RIPOR2: variants seen among roughly 807,000 people sequenced by gnomAD.
RIPOR2 encodes the protein rho family-interacting cell polarization regulator 2.
A neutral mutation model predicts 114.5 loss-of-function variants in RIPOR2; 39 were observed. The ratio of observed to expected loss-of-function variants is 0.34; its 90% CI spans 0.26 to 0.44. The LOEUF (loss-of-function observed/expected upper bound fraction) is 0.44. Among genes scored for constraint, RIPOR2 ranks in the 20% least tolerant of loss-of-function variants. RIPOR2 has a pLI of 1.00. For synonymous variants in RIPOR2, 445 were observed against 484.4 expected, an observed-to-expected ratio of 0.92 and a Z score of 1.07; for missense variants, 1,007 against 1,255.1, an observed-to-expected ratio of 0.80 and a Z score of 2.99.
intron 1 of RIPOR2, among the ~76,000 whole-genome samples, chr6:24,908,431 C>G (rs1769202088): frequency 1.3e-5 from 2 of 152,206 alleles, no homozygotes; most frequent in Non-Finnish European, 2.9e-5. Flanking sequence ...GTGCTATTCA[C>G]CCTGCACAGT....
intron 1 of RIPOR2, among the ~76,000 whole-genome samples, chr6:24,974,655 T>C (rs1043637211): frequency 6.6e-5 from 10 of 152,192 alleles, no homozygotes; most frequent in African/African-American, 1.9e-4. Context: ...CCCAGTTATA[T>C]ACCCAAGAGA....
chr6:24,976,514 A>C, intron 1 of RIPOR2: 1 of 1,582,316 alleles, frequency 6.3e-7, no homozygotes, highest in South Asian at 1.1e-5. Context: ...CCAAGAAGTG[A>C]CTGCTCATCT....
intron 1 of RIPOR2, among the ~76,000 whole-genome samples, chr6:24,949,129 C>T (rs1023713000): frequency 1.2e-4 from 19 of 152,032 alleles, no homozygotes; most frequent in African/African-American, 4.6e-4. Flanking sequence ...ATTTGAAAAG[C>T]GCCACCCATC....
rs370484369 is a variant in RIPOR2, at chr6:24,896,526, A to G, written c.62-20709T>C. Among the ~76,000 whole-genome samples, 58 of 152,122 alleles carry G rather than the reference A, an allele frequency of 3.8e-4. 1 individual carries two copies. The South Asian group carries it at 0.01, about 27-fold the overall frequency. ...CATTTTTAACTACTGTGCATTCTCA[A>G]CTCTCTTGAAAGTTGAATTAATAAG... is the stretch of plus-strand genomic sequence containing the variant. On this transcript the variant is annotated intron_variant, in intron 1 of 21. Coordinates refer to ENST00000643898, the MANE Select transcript of RIPOR2 (RefSeq NM_001286445.3).
chr6:24,889,130 T>A (rs1767094399), intron 1 of RIPOR2, among the ~76,000 whole-genome samples: 1 of 152,162 alleles, frequency 6.6e-6, no homozygotes, highest in African/African-American at 2.4e-5. Context: ...CCTAGGGGCT[T>A]AAAAGGGAGC....
intron 1 of RIPOR2, among the ~76,000 whole-genome samples, chr6:24,988,675 G>C (rs1330510800): frequency 6.6e-5 from 10 of 151,662 alleles, no homozygotes; most frequent in Non-Finnish European, 1.2e-4. Context: ...CTGGTTGTGT[G>C]TGTGTGTGTG....
intron 1 of RIPOR2, among the ~76,000 whole-genome samples, chr6:24,943,698 G>C (rs539299409): frequency 6.6e-6 from 1 of 152,188 alleles, no homozygotes; most frequent in South Asian, 2.1e-4. Context: ...CCTTATCTCT[G>C]TGGTAGCCTT....
chr6:25,001,167 C>T (rs958619608), intron 1 of RIPOR2, among the ~76,000 whole-genome samples: 1 of 152,116 alleles, frequency 6.6e-6, no homozygotes, highest in Non-Finnish European at 1.5e-5. Context: ...TATATATTTG[C>T]ATATGTGTAT....
intron 19 of RIPOR2, among the ~76,000 whole-genome samples, chr6:24,821,168 C>T (rs1759664532): frequency 6.8e-6 from 1 of 148,092 alleles, no homozygotes; most frequent in Non-Finnish European, 1.5e-5. Flanking sequence ...CCACCGCGCC[C>T]AGCCAGTTTA....
At chr6:24,808,265 A>T (rs556659766) in intron 21 of RIPOR2, among the ~76,000 whole-genome samples, 2 of 152,292 alleles carry the variant, frequency 1.3e-5, no homozygotes, top group Admixed American at 1.3e-4. Context: ...ATTCTGTAGG[A>T]TCAGCTTCCT....
At chr6:24,852,098 A>G (rs1763010743) in intron 9 of RIPOR2, among the ~76,000 whole-genome samples, 1 of 151,944 alleles carries the variant, frequency 6.6e-6, no homozygotes, top group Non-Finnish European at 1.5e-5. Context: ...CATCTCTACT[A>G]AAAATACAAA....
Position 24,830,687 on chromosome 6 carries a change from A to AC in RIPOR2, c.2345-18dup, listed in dbSNP as rs757644298. Reference sequence around the variant, plus strand: ...CTGGTATGGCTGGAAAAGAAGAGCAACCCCCCATCTCGTAACACATTTTAT... The same window carrying AC: ...CTGGTATGGCTGGAAAAGAAGAGCAACCCCCCCATCTCGTAACACATTTTAT... On this transcript the variant is annotated splice_polypyrimidine_tract_variant and intron_variant, in intron 16 of 21. Transcript: ENST00000643898. 4.9e-5 allele frequency: 76 copies of AC among 1,543,040 alleles called. No individual in the cohort carries two copies. In the African/African-American group the frequency reaches 8.6e-4, roughly 17 times the overall value.
intron 1 of RIPOR2, among the ~76,000 whole-genome samples, chr6:24,991,290 C>T (rs947763703): frequency 9.9e-5 from 15 of 152,270 alleles, no homozygotes; most frequent in African/African-American, 3.6e-4. Flanking sequence ...ACCCTACTTG[C>T]TTTCTATCTT....
Position 24,903,070 on chromosome 6 carries a change from G to A in RIPOR2, c.62-27253C>T, listed in dbSNP as rs1041312715. Among the ~76,000 whole-genome samples the A allele has an allele frequency of 3.3e-5, 5 of 152,224 alleles. No homozygotes were observed. In the South Asian group the frequency reaches 6.2e-4, roughly 19 times the overall value. On this transcript the variant is annotated intron_variant, in intron 1 of 21. Transcript: ENST00000643898. The stretch of plus-strand genomic sequence containing the variant: ...AGTTCTGGCTCAGGGTCTCTCCTCA[G>A]TCAGATGGTGGCTGGACATGGAACA...
At chr6:24,835,961 A>C in intron 14 of RIPOR2, 90 bp from the exon 15 acceptor site, 1 of 1,220,218 alleles carries the variant, frequency 8.2e-7, no homozygotes. Flanking sequence ...CCCCAACAGC[A>C]CCCACTGAAA....
At chr6:24,894,782 A>C (rs1266982359) in intron 1 of RIPOR2, among the ~76,000 whole-genome samples, 1 of 152,238 alleles carries the variant, frequency 6.6e-6, no homozygotes, top group African/African-American at 2.4e-5. Context: ...AACAAGAATA[A>C]ATGGATAAAT....
chr6:24,872,821 A>G, intron 4 of RIPOR2, 60 bp downstream of exon 4: 2 of 1,151,008 alleles, frequency 1.7e-6, no homozygotes, highest in Non-Finnish European at 2.6e-6. Flanking sequence ...CCATCCAGTA[A>G]AAGAAGCTAT....
At chr6:24,873,158 G>C (rs764620063) in intron 3 of RIPOR2, among the ~76,000 whole-genome samples, 199 bp from the exon 4 acceptor site, 26 of 152,190 alleles carry the variant, frequency 1.7e-4, no homozygotes, top group Non-Finnish European at 3.2e-4. Context: ...AGCTGGGAAA[G>C]TAGAAAAGGA....
At chr6:24,936,679 G>A (rs1225398693), upstream of RIPOR2, among the ~76,000 whole-genome samples, 1 of 152,174 alleles carries the variant, frequency 6.6e-6, no homozygotes, top group Non-Finnish European at 1.5e-5. Flanking sequence ...AGGGATGAGT[G>A]AACACTGAGC....
Sources: allele counts gnomAD v4.1 joint callset (sites outside exome capture counted in the v4.1 genomes callset), GRCh38; gene constraint gnomAD v4.1.1; transcripts MANE v1.5; gene names NCBI Gene and HGNC (gene_info 2026-07-23, HGNC 2026-07-21).